Variants in PCDHGA6 observed in about 807,000 individuals in gnomAD.
The protein encoded by PCDHGA6 is protocadherin gamma subfamily A, 6.
Under a neutral mutation model 60.6 loss-of-function variants are expected in PCDHGA6, and 41 were observed. The observed-to-expected ratio is 0.68, with a 90% CI of 0.53 to 0.88. The LOEUF (loss-of-function observed/expected upper bound fraction) is 0.88, where lower values mean the gene tolerates loss of function less well. Among genes scored for constraint, PCDHGA6 ranks in the 40% least tolerant of loss-of-function variants. The probability of loss-of-function intolerance (pLI) is 0.00; values close to 1 mark genes in which losing one functional copy is unlikely to be tolerated. For synonymous variants in PCDHGA6, 594 were observed against 524.4 expected (o/e 1.13, Z -1.81); for missense variants, 1,312 against 1,203.0 (o/e 1.09, Z -1.34).
Position 141,487,297 on chromosome 5 carries a change from C to T in PCDHGA6, c.2425-7510C>T, listed in dbSNP as rs770262058. ...TTTGCTTTGTCTCCTTTGGCTCATT[C>T]GTGGCACTACTCTCTAAGTGTCTTC... On this transcript the variant is annotated intron_variant, in intron 1 of 3. Coordinates refer to ENST00000517434, the MANE Select transcript of PCDHGA6 (RefSeq NM_018919.3). This position sits in a 1 kb window ranked among gnomAD's most constrained non-coding sequence, Gnocchi z 5.0. The T allele has an allele frequency of 3.2e-5, 52 of 1,613,984 alleles. No homozygotes were observed. The highest frequency in any genetic ancestry group is 4.0e-5 in the African/African-American group (3 of 74,912).
At chr5:141,426,937 C>T in intron 1 of PCDHGA6, 1 of 456,736 alleles carries the variant, frequency 2.2e-6, no homozygotes, top group Non-Finnish European at 4.4e-6. Flanking sequence ...ATGGGTGACC[C>T]AGTCCCAACT....
At chr5:141,387,274 AT>A (rs2090884370) in intron 1 of PCDHGA6, among the ~76,000 whole-genome samples, 1 of 152,244 alleles carries the variant, frequency 6.6e-6, no homozygotes, top group South Asian at 2.1e-4. Context: ...GTTAGGAACA[AT>A]GAAAGAAAGA....
At chr5:141,460,981 G>GTATA (rs1491204135) in intron 1 of PCDHGA6, among the ~76,000 whole-genome samples, 10 of 121,884 alleles carry the variant, frequency 8.2e-5, no homozygotes, top group African/African-American at 3.1e-4. Context: ...GTGTGTGTGT[G>GTATA]TGTATATATA....
rs1466755382 is a variant in PCDHGA6 at position 141,384,339 on chromosome 5, C to G, written c.2424+7832C>G. 19 of 1,613,782 alleles carry G rather than the reference C, an allele frequency of 1.2e-5. 1 individual carries two copies. Among genetic ancestry groups the G allele is most frequent in the Non-Finnish European group, 1.6e-5 (19 of 1,179,910 alleles). ...TCTTAGTGACTGCACAGGACCACGA[C>G]AGTGAGGATAATGCCCAGATCACTT... On this transcript the variant is annotated intron_variant, in intron 1 of 3. Coordinates refer to ENST00000517434, the MANE Select transcript of PCDHGA6 (RefSeq NM_018919.3).
chr5:141,403,984 A>C, intron 1 of PCDHGA6: 1 of 1,613,892 alleles, frequency 6.2e-7, no homozygotes, highest in South Asian at 1.1e-5. Flanking sequence ...ATGACAATAG[A>C]CCTGAAGTGA....
chr5:141,405,587 G>T, intron 1 of PCDHGA6: 1 of 585,648 alleles, frequency 1.7e-6, no homozygotes, highest in Non-Finnish European at 3.0e-6. Flanking sequence ...TGGGACTACA[G>T]GCCTCCCAAG....
intron 1 of PCDHGA6, chr5:141,393,842 T>A (rs1010461527): frequency 1.2e-6 from 2 of 1,613,830 alleles, no homozygotes; most frequent in African/African-American, 2.7e-5. Flanking sequence ...TAAATGACAA[T>A]AGACCAGAAG....
At chr5:141,483,534 G>C (rs754118568) in intron 1 of PCDHGA6, among the ~76,000 whole-genome samples, 1 of 152,102 alleles carries the variant, frequency 6.6e-6, no homozygotes, top group Non-Finnish European at 1.5e-5. Flanking sequence ...AAGGAAGCTG[G>C]GTGGTTGACA....
chr5:141,481,181 G>C (rs1364223040), intron 1 of PCDHGA6, among the ~76,000 whole-genome samples: 1 of 152,154 alleles, frequency 6.6e-6, no homozygotes, highest in Non-Finnish European at 1.5e-5. Context: ...CAGCTTTATT[G>C]GGCCAGGCCC....
Position 141,487,632 on chromosome 5 carries a change from C to G in PCDHGA6, c.2425-7175C>G, listed in dbSNP as rs374506603. The G allele has an allele frequency of 6.2e-7, 1 of 1,614,186 alleles. No homozygotes were observed. Among genetic ancestry groups the G allele is most frequent in the East Asian group, 2.2e-5 (1 of 44,888 alleles). On this transcript the variant is annotated intron_variant, in intron 1 of 3. Coordinates refer to ENST00000517434, the MANE Select transcript of PCDHGA6 (RefSeq NM_018919.3). The surrounding 1 kb of genome is among the most constrained non-coding windows in gnomAD (Gnocchi z 5.0). ...GGGCTAGAGGTGAGACCTTTGCAGG[C>G]TCAACAAATGCTTGAGGGTTATTCT... is the stretch of plus-strand genomic sequence containing the variant.
intron 1 of PCDHGA6, among the ~76,000 whole-genome samples, chr5:141,429,386 T>TA (rs1561841076): frequency 9.9e-5 from 15 of 151,936 alleles, no homozygotes; most frequent in South Asian, 8.3e-4. Flanking sequence ...TGTTTTTTTT[T>TA]TAAAAAAAAT....
At chr5:141,415,135 G>A (rs1224251849) in intron 1 of PCDHGA6, 7 of 1,613,666 alleles carry the variant, frequency 4.3e-6, no homozygotes, top group East Asian at 2.2e-5. Flanking sequence ...CCAGGACCAC[G>A]GCCAGCCCCC....
intron 1 of PCDHGA6, among the ~76,000 whole-genome samples, chr5:141,468,963 C>G (rs951670777): frequency 1.3e-5 from 2 of 150,940 alleles, no homozygotes; most frequent in Admixed American, 6.6e-5. Context: ...TTTTTTTTAC[C>G]TTAGGCTTTT....
At chr5:141,416,362 G>A (rs562901653) in intron 1 of PCDHGA6, 4 of 152,306 alleles carry the variant, frequency 2.6e-5, no homozygotes, top group African/African-American at 7.2e-5. Flanking sequence ...GGAGGCTATA[G>A]AGGGTGAAAT....
intron 1 of PCDHGA6, chr5:141,415,857 T>G (rs1271614762): frequency 1.7e-6 from 2 of 1,194,900 alleles, no homozygotes; most frequent in Non-Finnish European, 2.2e-6. Flanking sequence ...AACCTTGTAG[T>G]TTATAGTGTT....
At chr5:141,466,027 CAGG>C (rs1174989171) in intron 1 of PCDHGA6, among the ~76,000 whole-genome samples, 1 of 151,890 alleles carries the variant, frequency 6.6e-6, no homozygotes, top group African/African-American at 2.4e-5. Context: ...GAGGGTGAGG[CAGG>C]AGAACGGCAT....
intron 1 of PCDHGA6, among the ~76,000 whole-genome samples, chr5:141,457,694 C>G (rs891323419): frequency 6.6e-6 from 1 of 152,214 alleles, no homozygotes; most frequent in Non-Finnish European, 1.5e-5. Flanking sequence ...TTTGGATTGG[C>G]TTTGATGAAA....
chr5:141,418,740 T>C, intron 1 of PCDHGA6: 1 of 1,613,972 alleles, frequency 6.2e-7, no homozygotes, highest in Admixed American at 1.7e-5. Context: ...GTGTTCTCTC[T>C]GGATTACACT....
At chr5:141,385,442 G>A (rs949035085) in intron 1 of PCDHGA6, 28 of 1,449,952 alleles carry the variant, frequency 1.9e-5, no homozygotes, top group South Asian at 1.5e-5. Flanking sequence ...AGGTAAAAAT[G>A]AGTTTACCAG....
Sources: gnomAD v4.1 joint callset for allele counts (sites outside exome capture counted in the v4.1 genomes callset) on GRCh38, gnomAD v4.1.1 for gene constraint, Gnocchi (gnomAD v3.1) non-coding constraint, MANE v1.5 for transcripts, NCBI Gene and HGNC (gene_info 2026-07-23, HGNC 2026-07-21) for gene names.